Variants in SLCO1B1 observed in about 807,000 individuals in gnomAD.
SLCO1B1 encodes OATP-2.
SLCO1B1 carries 81 observed loss-of-function variants against 70.1 expected under a neutral mutation model. The observed-to-expected ratio is 1.16, with a 90% CI of 0.97 to 1.39. The LOEUF (loss-of-function observed/expected upper bound fraction) is 1.39, where lower values mean the gene tolerates loss of function less well. Ranked by LOEUF, SLCO1B1 falls within the 40% of genes most tolerant of loss-of-function variation. The pLI is 0.00. For synonymous variants in SLCO1B1, 283 were observed against 271.5 expected, an observed-to-expected ratio of 1.04 and a Z score of -0.42; for missense variants, 895 against 799.6, an observed-to-expected ratio of 1.12 and a Z score of -1.44.
chr12:21,224,101 T>G (rs1395778011), intron 13 of SLCO1B1, among the ~76,000 whole-genome samples: 1 of 152,070 alleles, frequency 6.6e-6, no homozygotes, highest in Non-Finnish European at 1.5e-5. Flanking sequence ...ACAAAATCAA[T>G]TGTAGAAAAT....
chr12:21,158,112 G>A (rs1175661714), intron 2 of SLCO1B1, among the ~76,000 whole-genome samples: 1 of 152,136 alleles, frequency 6.6e-6, no homozygotes, highest in African/African-American at 2.4e-5. Flanking sequence ...AAGATAATAT[G>A]TGAAAATAAG....
At chr12:21,133,774 G>A (rs1591792891) in intron 1 of SLCO1B1, among the ~76,000 whole-genome samples, 2 of 152,118 alleles carry the variant, frequency 1.3e-5, no homozygotes, top group East Asian at 3.9e-4. Context: ...CATGTGATCT[G>A]CAAACAGGGA....
chr12:21,168,797 T>C (rs79836008), intron 2 of SLCO1B1, among the ~76,000 whole-genome samples: 2,703 of 152,334 alleles, frequency 0.018, 32 homozygotes, highest in Non-Finnish European at 0.03. Flanking sequence ...TCATCACTTA[T>C]ATTATTTGCA....
intron 11 of SLCO1B1, among the ~76,000 whole-genome samples, chr12:21,207,992 T>C (rs11830252): frequency 0.057 from 8,647 of 152,176 alleles, 805 homozygotes; most frequent in African/African-American, 0.19. Flanking sequence ...ATATTGTTTT[T>C]GTTTTTTGCT....
At chr12:21,160,725 A>G (rs190869086) in intron 2 of SLCO1B1, among the ~76,000 whole-genome samples, 4 of 152,288 alleles carry the variant, frequency 2.6e-5, no homozygotes, top group Non-Finnish European at 4.4e-5. Context: ...GCATAAACAG[A>G]CATCCTACAG....
intron 14 of SLCO1B1, among the ~76,000 whole-genome samples, chr12:21,234,774 G>A (rs893888490): frequency 9.2e-5 from 14 of 152,088 alleles, no homozygotes; most frequent in Non-Finnish European, 2.9e-5. Context: ...AAAAAATTGT[G>A]TTCTGCTCTA....
chr12:21,154,845 A>G (rs1328030693), intron 2 of SLCO1B1, among the ~76,000 whole-genome samples: 1 of 152,064 alleles, frequency 6.6e-6, no homozygotes, highest in African/African-American at 2.4e-5. Context: ...ATATCTCTTT[A>G]TAGCTGAGAG....
chr12:21,136,514 G>C (rs1940224022), intron 1 of SLCO1B1, among the ~76,000 whole-genome samples: 1 of 152,132 alleles, frequency 6.6e-6, no homozygotes, highest in African/African-American at 2.4e-5. Flanking sequence ...ATATTTCTTG[G>C]AGGCTTTGTT....
intron 1 of SLCO1B1, among the ~76,000 whole-genome samples, chr12:21,140,313 G>T (rs1259419519): frequency 6.6e-6 from 1 of 151,884 alleles, no homozygotes; most frequent in South Asian, 2.1e-4. Context: ...AGATATCTTA[G>T]ATACATAAAT....
At chr12:21,195,323 T>C (rs941026761) in intron 7 of SLCO1B1, among the ~76,000 whole-genome samples, 1 of 152,202 alleles carries the variant, frequency 6.6e-6, no homozygotes, top group Non-Finnish European at 1.5e-5. Context: ...GAGAAGCCCG[T>C]CACTTGGTCA....
chr12:21,162,750 T>A (rs1940636899), intron 2 of SLCO1B1, among the ~76,000 whole-genome samples: 1 of 152,202 alleles, frequency 6.6e-6, no homozygotes, highest in African/African-American at 2.4e-5. Context: ...ACTTTATTAT[T>A]CTTATTTGTA....
At chr12:21,209,750 T>C (rs1404094236) in intron 11 of SLCO1B1, among the ~76,000 whole-genome samples, 6 of 151,100 alleles carry the variant, frequency 4.0e-5, no homozygotes, top group Non-Finnish European at 7.4e-5. Flanking sequence ...TGATTGCCAT[T>C]CTAACTGGTG....
At chr12:21,161,239 T>C (rs1300767021) in intron 2 of SLCO1B1, among the ~76,000 whole-genome samples, 3 of 152,272 alleles carry the variant, frequency 2.0e-5, no homozygotes, top group Admixed American at 1.3e-4. Context: ...TTATTCACAA[T>C]AGCAAAGAAA....
intron 1 of SLCO1B1, among the ~76,000 whole-genome samples, chr12:21,133,456 G>A (rs1293258699): frequency 2.0e-5 from 3 of 152,126 alleles, no homozygotes; most frequent in East Asian, 1.9e-4. Flanking sequence ...GATTCTTCCT[G>A]CCCATGAGCA....
chr12:21,202,748 A>G, intron 10 of SLCO1B1, 62 bp downstream of exon 10: 8 of 1,277,046 alleles, frequency 6.3e-6, no homozygotes, highest in Middle Eastern at 2.5e-4. Flanking sequence ...GAGTCTCTGT[A>G]TAAGTAATAT....
intron 11 of SLCO1B1, among the ~76,000 whole-genome samples, chr12:21,214,674 T>C (rs1173508635): frequency 6.6e-6 from 1 of 151,778 alleles, no homozygotes; most frequent in Non-Finnish European, 1.5e-5. Flanking sequence ...CGCTGCCGCC[T>C]TGCAGTTTGA....
In SLCO1B1 at chr12:21,152,928, C is replaced by A. The variant is rs542070724; in HGVS notation, c.84+11270C>A. ...GGAAAACTCAAAATGTGGAGGTCAC[C>A]GACTGGGTTCCCTTGGAGTGTTTAG... On this transcript the variant is annotated intron_variant, in intron 2 of 14. Transcript: ENST00000256958. Among the ~76,000 whole-genome samples the A allele has an allele frequency of 7.2e-5, 11 of 152,218 alleles. No homozygotes were observed. In the East Asian group the frequency reaches 1.9e-3, roughly 27 times the overall value.
Position 21,138,141 on chromosome 12 carries a change from C to A in SLCO1B1, c.-61-3373C>A, listed in dbSNP as rs370792644. On this transcript the variant is annotated intron_variant, in intron 1 of 14. Coordinates refer to ENST00000256958, the MANE Select transcript of SLCO1B1 (RefSeq NM_006446.5). ...TCCTATAAAAGGTCTAAGAAGTTAG[C>A]AAATGCTGTTTTTCCTTTTTGCTCC... Among the ~76,000 whole-genome samples the A allele has an allele frequency of 2.2e-4, 33 of 152,290 alleles. No individual in the cohort carries two copies. In the South Asian group the frequency reaches 6.6e-3, roughly 31 times the overall value.
intron 1 of SLCO1B1, among the ~76,000 whole-genome samples, chr12:21,134,569 T>A (rs1409456991): frequency 6.6e-6 from 1 of 152,216 alleles, no homozygotes; most frequent in Non-Finnish European, 1.5e-5. Flanking sequence ...TGGGAGGATG[T>A]ATGTGTCAAG....
Sources: gnomAD v4.1 joint callset for allele counts (sites outside exome capture counted in the v4.1 genomes callset) on GRCh38, gnomAD v4.1.1 for gene constraint, MANE v1.5 for transcripts, NCBI Gene and HGNC (gene_info 2026-07-23, HGNC 2026-07-21) for gene names.